The following MBNL3 variants were observed in gnomAD, a reference collection of about 807,000 sequenced individuals.
MBNL3 encodes muscleblind like splicing regulator 3, also known as muscleblind-like protein 3.
In MBNL3, 6 loss-of-function variants were observed where a neutral mutation model predicts 24.5. The observed-to-expected ratio is 0.25, with a 90% CI of 0.13 to 0.48. The LOEUF (loss-of-function observed/expected upper bound fraction) is 0.48. MBNL3 is among the 20% of genes least tolerant of loss of function. The pLI is 0.99. For synonymous variants in MBNL3, 100 were observed against 101.7 expected (o/e 0.98, Z 0.10); for missense variants, 230 against 293.5 (o/e 0.78, Z 1.58).
chrX:132,413,410 C>T (rs770097079), intron 2 of MBNL3: 10 of 946,757 alleles, frequency 1.1e-5, no homozygotes, highest in East Asian at 6.7e-5. Flanking sequence ...AGCCCTCTCC[C>T]GCTCTGTTCT....
chrX:132,402,058 C>T (rs189513800), intron 3 of MBNL3, among the ~76,000 whole-genome samples: 1 of 111,878 alleles, frequency 8.9e-6, no homozygotes, highest in Non-Finnish European at 1.9e-5. Flanking sequence ...TGGTTTGGAA[C>T]TCGGTAACTT....
Position 132,374,942 on chromosome X carries a change from G to T in MBNL3, c.*4724C>A, listed in dbSNP as rs749055293. On this transcript the variant is annotated 3_prime_UTR_variant, in exon 9 of 9. Transcript: ENST00000370853. ...TTAGGTAATGTATTAAAAATGCAAT[G>T]ATTGCGTTTTGAAGTCTAAATACTG... 2.7e-5 allele frequency: 3 copies of T among 111,786 alleles called. No homozygotes were observed. In the East Asian group the frequency reaches 8.4e-4, roughly 31 times the overall value. 9.2% of individuals were successfully genotyped at this position (111,786 alleles called of 1,213,427 possible).
intron 1 of MBNL3, among the ~76,000 whole-genome samples, chrX:132,464,247 T>G (rs1462243078): frequency 8.9e-6 from 1 of 112,509 alleles, no homozygotes; most frequent in Non-Finnish European, 1.9e-5. Flanking sequence ...GGTTATACTT[T>G]TCTTAACACT....
Position 132,374,992 on chromosome X carries a change from A to T in MBNL3, c.*4674T>A, listed in dbSNP as rs1005667572. ...GTGGAATAACCCTATCCACACAACA[A>T]ATTCTATAAACTATAAAGCCTGATT... On this transcript the variant is annotated 3_prime_UTR_variant, in exon 9 of 9. Coordinates refer to ENST00000370853, the MANE Select transcript of MBNL3 (RefSeq NM_001386889.1). 3 of 111,819 alleles carry T rather than the reference A, an allele frequency of 2.7e-5. No homozygotes were observed. The highest frequency in any genetic ancestry group is 9.7e-5 in the African/African-American group (3 of 30,873). 9.2% of individuals were successfully genotyped at this position (111,819 alleles called of 1,213,427 possible).
upstream of MBNL3, among the ~76,000 whole-genome samples, chrX:132,489,177 A>C (rs1259551983): frequency 2.7e-5 from 3 of 111,570 alleles, no homozygotes; most frequent in Non-Finnish European, 5.7e-5. Context: ...GCGCACGCTG[A>C]CTCTCGGACG....
At chrX:132,416,262 A>C (rs1459137850) in intron 2 of MBNL3, among the ~76,000 whole-genome samples, 1 of 112,204 alleles carries the variant, frequency 8.9e-6, no homozygotes, top group African/African-American at 3.2e-5. Flanking sequence ...GCATGATTGG[A>C]AGTGGAGAAC....
In MBNL3 at chrX:132,386,726, G is replaced by T. The variant is rs2148072174; in HGVS notation, c.857C>A (p.Thr286Asn). The T allele has an allele frequency of 8.3e-7, 1 of 1,211,225 alleles. No individual in the cohort carries two copies. Among genetic ancestry groups the T allele is most frequent in the Non-Finnish European group, 1.1e-6 (1 of 895,432 alleles). ...PNGATPVFNP[T>N]VFHCQQALTN... ...CAGAGCCTGTTGGCAGTGGAAAACA[G>T]TGGGATTAAAGACCGGGGTGGCACC... Residue 286 changes from threonine to asparagine, a missense_variant, in exon 6 of 9, where the codon ACT (threonine) becomes AAT (asparagine). Transcript: ENST00000370853.
upstream of MBNL3, among the ~76,000 whole-genome samples, chrX:132,489,424 C>T (rs762193512): frequency 8.9e-5 from 10 of 112,045 alleles, no homozygotes; most frequent in South Asian, 2.9e-3. Context: ...CCAGCTCCCT[C>T]GCGGAGGCCG....
At chrX:132,413,564 ACT>A (rs1943016337) in intron 2 of MBNL3, 2 of 1,136,899 alleles carry the variant, frequency 1.8e-6, no homozygotes, top group African/African-American at 3.7e-5. Context: ...AGTAGAAGAC[ACT>A]CTCAGCCCCA....
At chrX:132,481,322 A>G (rs1165373178) in intron 1 of MBNL3, among the ~76,000 whole-genome samples, 2 of 112,638 alleles carry the variant, frequency 1.8e-5, no homozygotes, top group African/African-American at 6.5e-5. Flanking sequence ...TTCACTTAAC[A>G]CAGGTTACAG....
At chrX:132,454,746 G>A (rs187013216) in intron 1 of MBNL3, among the ~76,000 whole-genome samples, 196 of 111,756 alleles carry the variant, frequency 1.8e-3, no homozygotes, top group Admixed American at 5.1e-3. Context: ...TATCACACAC[G>A]ACTGAAATAC....
At chrX:132,394,981 T>C (rs1468222052) in intron 3 of MBNL3, among the ~76,000 whole-genome samples, 1 of 112,322 alleles carries the variant, frequency 8.9e-6, no homozygotes, top group African/African-American at 3.2e-5. Context: ...ATGCTATCTT[T>C]AGATCTTAAA....
rs777143495 is a variant in MBNL3 at position 132,406,332 on chromosome X, G to C, written c.238C>G (p.Leu80Val). ...LHPPPHLKTQ[L>V]EINGRNNLIQ... Reference sequence around the variant, plus strand: ...AGATTGTTCCGCCCATTAATCTCCAGCTGCGTTTTTAAGTGTGGAGGAGGG... The same window carrying C: ...AGATTGTTCCGCCCATTAATCTCCACCTGCGTTTTTAAGTGTGGAGGAGGG... Residue 80 changes from leucine (L) to valine (V), a missense_variant, in exon 3 of 9, where the codon CTG becomes GTG. Leu to Val is a conservative substitution (Grantham distance 32). Coordinates refer to ENST00000370853, the MANE Select transcript of MBNL3 (RefSeq NM_001386889.1). The C allele has an allele frequency of 8.3e-7, 1 of 1,209,442 alleles. No homozygotes were observed. The highest frequency in any genetic ancestry group is 2.2e-5 in the Admixed American group (1 of 45,696).
chrX:132,406,221 G>A lies in MBNL3; in HGVS notation c.342+7C>T. On this transcript the variant is annotated splice_region_variant and intron_variant, in intron 3 of 8. Transcript: ENST00000370853. ...TCGGCAATTTTCAAAATATAGCTGC[G>A]ACTTACAAGTGATGACATTTGAGCG... 1 of 1,210,524 alleles carries A rather than the reference G, an allele frequency of 8.3e-7. No individual in the cohort carries two copies. Among genetic ancestry groups the A allele is most frequent in the African/African-American group, 1.7e-5 (1 of 57,583 alleles).
chrX:132,489,352 C>T (rs1031842189), upstream of MBNL3, among the ~76,000 whole-genome samples: 3 of 112,335 alleles, frequency 2.7e-5, no homozygotes, highest in Non-Finnish European at 3.8e-5. Context: ...GGCCACGGGC[C>T]GGCCCTACCC....
rs1221494466 is a variant in MBNL3 at position 132,369,941 on chromosome X, C to G, written c.*9725G>C. ...CATTGTATACTAATTTCTGCATCCA[C>G]TTTAGAATGCTGTGCTTTTGCTTTG... On this transcript the variant is annotated 3_prime_UTR_variant, in exon 9 of 9. Transcript: ENST00000370853. 8.9e-6 allele frequency: 1 copy of G among 111,974 alleles called. No individual in the cohort carries two copies. Among genetic ancestry groups the G allele is most frequent in the Non-Finnish European group, 1.9e-5 (1 of 53,243 alleles). 9.2% of individuals were successfully genotyped at this position (111,974 alleles called of 1,213,427 possible).
rs1933841532 is a variant in MBNL3, at chrX:132,373,683, T to G, written c.*5983A>C. 1 of 111,949 alleles carries G rather than the reference T, an allele frequency of 8.9e-6. No homozygotes were observed. The highest frequency in any genetic ancestry group is 3.2e-5 in the African/African-American group (1 of 30,825). The allele number at this position is 111,949 out of a possible 1,213,427, so 9.2% of individuals were successfully genotyped here. A position where few individuals can be genotyped will look rare whatever the true frequency, so the allele number is the denominator to read the frequency against. On this transcript the variant is annotated 3_prime_UTR_variant, in exon 9 of 9. Coordinates refer to ENST00000370853, the MANE Select transcript of MBNL3 (RefSeq NM_001386889.1). ...ATGCTTAACCTTTCTAACCTTGACC[T>G]CTTCTAGGCCTCATTGCCTGGGGGC...
At position 132,459,033 on chromosome X, in the gene MBNL3, T is replaced by C. The variant is rs917812985; in HGVS notation, c.-703-18719A>G. On this transcript the variant is annotated intron_variant, in intron 1 of 8. Coordinates refer to ENST00000370853, the MANE Select transcript of MBNL3 (RefSeq NM_001386889.1). Reference sequence around the variant, plus strand: ...TCATTCTATTAAAACTCCCCTAGAGTCAATGACTGCATTCAAGTAGAACAT... The same window carrying C: ...TCATTCTATTAAAACTCCCCTAGAGCCAATGACTGCATTCAAGTAGAACAT... Among the ~76,000 whole-genome samples, 6 of 104,326 alleles carry C rather than the reference T, an allele frequency of 5.8e-5. No homozygotes were observed. In the Admixed American group the frequency reaches 6.4e-4, roughly 11 times the overall value. The allele number at this position is 104,326 out of a possible 115,157, so 90.6% of individuals were successfully genotyped here. A position where few individuals can be genotyped will look rare whatever the true frequency, so the allele number is the denominator to read the frequency against.
chrX:132,459,794 T>G (rs1241926018), intron 1 of MBNL3, among the ~76,000 whole-genome samples: 3 of 112,046 alleles, frequency 2.7e-5, no homozygotes, highest in Non-Finnish European at 3.8e-5. Flanking sequence ...AAACTCAGTA[T>G]CTCAGTTTCC....
Sources: gnomAD v4.1 joint callset for allele counts (sites outside exome capture counted in the v4.1 genomes callset) on GRCh38, gnomAD v4.1.1 for gene constraint, MANE v1.5 for transcripts, NCBI Gene and HGNC (gene_info 2026-07-23, HGNC 2026-07-21) for gene names.